Variants in PRIM2 observed in about 807,000 individuals in gnomAD.
The protein encoded by PRIM2 is DNA primase subunit 2, also known as DNA primase large subunit.
PRIM2 carries 39 observed loss-of-function variants against 67.3 expected under a neutral mutation model. That is an observed-to-expected ratio of 0.58 (90% confidence interval 0.45 to 0.76). The LOEUF (loss-of-function observed/expected upper bound fraction) is 0.76, where lower values mean the gene tolerates loss of function less well. Among genes scored for constraint, PRIM2 ranks in the 30% least tolerant of loss-of-function variants. The pLI, the probability that PRIM2 is intolerant of heterozygous loss-of-function variation, is 0.00. For missense variants in PRIM2, 398 were observed against 598.7 expected (o/e 0.66, Z 3.50); for synonymous variants, 143 against 198.7 (o/e 0.72, Z 2.36).
intron 3 of PRIM2, among the ~76,000 whole-genome samples, chr6:57,322,137 A>G (rs555280277): frequency 6.6e-6 from 1 of 152,274 alleles, no homozygotes; most frequent in East Asian, 1.9e-4. Context: ...GGCAGAATAT[A>G]GGGGTTGTTT....
chr6:57,645,524 A>G (rs1777320492), intron 13 of PRIM2, among the ~76,000 whole-genome samples: 2 of 150,756 alleles, frequency 1.3e-5, no homozygotes, highest in East Asian at 3.9e-4. Context: ...GAGGTGAGAG[A>G]AAGGTGTCTA....
At position 57,643,899 on chromosome 6, in the gene PRIM2, T is replaced by C. The variant is rs1267676868; in HGVS notation, c.1300-2029T>C. ...TGTATTAACAACTAGCAAAAGAGAA[T>C]CAGAGATTCCTAGGGTGCTTAGATA... On this transcript the variant is annotated intron_variant, in intron 13 of 13. Transcript: ENST00000615550. Among the ~76,000 whole-genome samples, 4 of 152,194 alleles carry C rather than the reference T, an allele frequency of 2.6e-5. No individual in the cohort carries two copies. The East Asian group carries it at 7.7e-4, about 29-fold the overall frequency.
intron 10 of PRIM2, among the ~76,000 whole-genome samples, chr6:57,597,690 C>T (rs1776390230): frequency 6.6e-6 from 1 of 152,096 alleles, no homozygotes; most frequent in Non-Finnish European, 1.5e-5. Context: ...GGTTTCTCTG[C>T]CTCCAAAGCC....
At chr6:57,605,452 C>T (rs1280632573) in intron 11 of PRIM2, among the ~76,000 whole-genome samples, 1 of 152,046 alleles carries the variant, frequency 6.6e-6, no homozygotes, top group East Asian at 1.9e-4. Context: ...CAATTTCAGA[C>T]CTCATTATTG....
chr6:57,383,277 C>T (rs898023998), intron 7 of PRIM2: 2 of 151,860 alleles, frequency 1.3e-5, no homozygotes, highest in African/African-American at 4.8e-5. Flanking sequence ...TTTTATTCAC[C>T]CATATTCTCT....
At chr6:57,315,806 TTA>T (rs1562688352), upstream of PRIM2, among the ~76,000 whole-genome samples, 2 of 152,144 alleles carry the variant, frequency 1.3e-5, no homozygotes, top group Non-Finnish European at 2.9e-5. Flanking sequence ...GGTCAAGTCT[TTA>T]TATCTTTTTT....
chr6:57,539,691 A>AAATTAT (rs1775101712), intron 10 of PRIM2, among the ~76,000 whole-genome samples: 1 of 150,038 alleles, frequency 6.7e-6, no homozygotes, highest in East Asian at 2.0e-4. Context: ...CCAGGAAATA[A>AAATTAT]AATTATAAGA....
intron 8 of PRIM2, among the ~76,000 whole-genome samples, chr6:57,524,176 GTGTTTTGTA>G (rs1179929381): frequency 9.2e-5 from 14 of 152,278 alleles, no homozygotes; most frequent in Admixed American, 2.6e-4. Flanking sequence ...GTGTAAATAT[GTGTTTTGTA>G]TGTTTTGAAA....
intron 7 of PRIM2, among the ~76,000 whole-genome samples, chr6:57,500,850 A>G (rs1774116173): frequency 2.0e-5 from 3 of 149,582 alleles, no homozygotes; most frequent in African/African-American, 7.7e-5. Context: ...CAATGAAAAG[A>G]GAGATAAGCT....
chr6:57,475,616 C>G lies in PRIM2; in HGVS notation c.694-31771C>G, dbSNP rs1419799081. Among the ~76,000 whole-genome samples, 5 of 152,330 alleles carry G rather than the reference C, an allele frequency of 3.3e-5. No individual in the cohort carries two copies. The South Asian group carries it at 1.0e-3, about 32-fold the overall frequency. On this transcript the variant is annotated intron_variant, in intron 7 of 13. Transcript: ENST00000615550. Reference sequence around the variant, plus strand: ...GTTTTCTAGCTTGTGCATTTCACTTCTCAAACTCCCAGCATTGTTTTGACT... The same window carrying G: ...GTTTTCTAGCTTGTGCATTTCACTTGTCAAACTCCCAGCATTGTTTTGACT...
intron 8 of PRIM2, among the ~76,000 whole-genome samples, chr6:57,524,304 T>G (rs1423850378): frequency 6.6e-6 from 1 of 152,258 alleles, no homozygotes; most frequent in African/African-American, 2.4e-5. Context: ...CATGCTGGCC[T>G]CTTATGTTTA....
chr6:57,347,476 T>C (rs1644964566), intron 5 of PRIM2, among the ~76,000 whole-genome samples: 1 of 152,176 alleles, frequency 6.6e-6, no homozygotes, highest in African/African-American at 2.4e-5. Context: ...AGAGACAGTT[T>C]TGCTCTGTCG....
the PRIM2 span, among the ~76,000 whole-genome samples, chr6:57,271,882 T>G: frequency 6.6e-6 from 1 of 152,246 alleles, no homozygotes; most frequent in Non-Finnish European, 1.5e-5. Flanking sequence ...CATTTTGTTA[T>G]TTACCCAGTA....
chr6:57,515,893 C>T (rs1554348203), intron 8 of PRIM2, among the ~76,000 whole-genome samples: 3 of 152,070 alleles, frequency 2.0e-5, no homozygotes, highest in East Asian at 1.9e-4. Flanking sequence ...TATTCCTTAC[C>T]GGAGGCTCTG....
the PRIM2 span, among the ~76,000 whole-genome samples, chr6:57,229,396 C>G: frequency 1.3e-5 from 2 of 152,074 alleles, no homozygotes; most frequent in South Asian, 4.2e-4. Flanking sequence ...CACATGTTCT[C>G]TGTTTTGTTA....
In PRIM2 at chr6:57,439,695, C is replaced by T. The variant is rs1204794718; in HGVS notation, c.693+57527C>T. Among the ~76,000 whole-genome samples, 3 of 151,864 alleles carry T rather than the reference C, an allele frequency of 2.0e-5. No homozygotes were observed. The East Asian group carries it at 5.8e-4, about 29-fold the overall frequency. On this transcript the variant is annotated intron_variant, in intron 7 of 13. Coordinates refer to ENST00000615550, the MANE Select transcript of PRIM2 (RefSeq NM_000947.5). ...CTCCCGAAGTGCCGATATTACAGGCCTGAGCCACCGTGCCTGGCCGAGGTG... is the reference window on the plus strand; with the variant it reads ...CTCCCGAAGTGCCGATATTACAGGCTTGAGCCACCGTGCCTGGCCGAGGTG...
At chr6:57,294,169 A>T in the PRIM2 span, among the ~76,000 whole-genome samples, 1 of 152,176 alleles carries the variant, frequency 6.6e-6, no homozygotes, top group Non-Finnish European at 1.5e-5. Flanking sequence ...CATGAAATGA[A>T]CAAAAGTAGA....
chr6:57,488,802 T>C (rs1174933656), intron 7 of PRIM2, among the ~76,000 whole-genome samples: 1 of 152,206 alleles, frequency 6.6e-6, no homozygotes, highest in Non-Finnish European at 1.5e-5. Context: ...CATGTCCAGC[T>C]GGTCTCACCC....
intron 5 of PRIM2, among the ~76,000 whole-genome samples, chr6:57,351,208 G>T (rs1768847531): frequency 1.3e-5 from 2 of 151,882 alleles, no homozygotes; most frequent in African/African-American, 4.8e-5. Context: ...ATTTTGGAAA[G>T]TTTATCTTAT....
Sources: allele counts gnomAD v4.1 joint callset (sites outside exome capture counted in the v4.1 genomes callset), GRCh38; gene constraint gnomAD v4.1.1; transcripts MANE v1.5; gene names NCBI Gene and HGNC (gene_info 2026-07-23, HGNC 2026-07-21).